The following KIR3DL2 variants were observed in gnomAD, a reference collection of about 807,000 sequenced individuals.
KIR3DL2 encodes the protein killer cell immunoglobulin like receptor, three Ig domains and long cytoplasmic tail 2.
A neutral mutation model predicts 41.6 loss-of-function variants in KIR3DL2; 42 were observed. The ratio of observed to expected loss-of-function variants is 1.01; its 90% CI spans 0.79 to 1.31. The LOEUF (loss-of-function observed/expected upper bound fraction) is 1.31, where lower values mean the gene tolerates loss of function less well. Among genes scored for constraint, KIR3DL2 ranks in the 50% most tolerant of loss-of-function variants. The pLI is 0.00. For synonymous variants in KIR3DL2, 230 were observed against 221.3 expected (o/e 1.04, Z -0.35); for missense variants, 728 against 576.8 (o/e 1.26, Z -2.68).
Position 54,853,727 on chromosome 19 carries a change from C to T in KIR3DL2, c.356-20C>T, listed in dbSNP as rs1379898380. The T allele has an allele frequency of 1.9e-6, 3 of 1,605,960 alleles. No homozygotes were observed. Among genetic ancestry groups the T allele is most frequent in the Non-Finnish European group, 2.6e-6 (3 of 1,175,524 alleles). On this transcript the variant is annotated intron_variant, in intron 3 of 8. Transcript: ENST00000326321. The stretch of plus-strand genomic sequence containing the variant: ...ATGATAAAGAGAGATGCCTTCTAAA[C>T]TCACAACTTCTCTTTCTAGGAAACC...
intron 6 of KIR3DL2, among the ~76,000 whole-genome samples, chr19:54,860,385 TA>T (rs1483585941): frequency 1.3e-5 from 2 of 152,070 alleles, no homozygotes; most frequent in Non-Finnish European, 2.9e-5. Context: ...CCTACTTGTT[TA>T]TTGAGACGGA....
intron 5 of KIR3DL2, among the ~76,000 whole-genome samples, chr19:54,856,155 C>T (rs1209417358): frequency 2.0e-5 from 3 of 151,376 alleles, no homozygotes; most frequent in Non-Finnish European, 4.4e-5. Flanking sequence ...TCAGGACAGA[C>T]CCAGAGAAGG....
At position 54,852,044 on chromosome 19, in the gene KIR3DL2, G is replaced by T; in HGVS notation, c.117G>T (p.Val39=). 2 of 1,612,056 alleles carry T rather than the reference G, an allele frequency of 1.2e-6. No individual in the cohort carries two copies. The highest frequency in any genetic ancestry group is 1.3e-5 in the African/African-American group (1 of 74,524). Reference sequence around the variant, plus strand: ...TGTCTGCCCGGCCCAGCACTGTGGTGCCTCGAGGAGGACACGTGGCTCTTC... The same window carrying T: ...TGTCTGCCCGGCCCAGCACTGTGGTTCCTCGAGGAGGACACGTGGCTCTTC... The part of the protein sequence containing the change: ...PFLSARPSTV[V]PRGGHVALQC... Residue 39 remains valine, a synonymous_variant, in exon 3 of 9, where the codon GTG becomes GTT. Coordinates refer to ENST00000326321, the MANE Select transcript of KIR3DL2 (RefSeq NM_006737.4).
intron 6 of KIR3DL2, among the ~76,000 whole-genome samples, chr19:54,862,852 T>A (rs527541106): frequency 9.9e-5 from 14 of 140,854 alleles, no homozygotes; most frequent in East Asian, 4.1e-4. Context: ...AGCTTTTTTT[T>A]AAAATTTTTA....
intron 6 of KIR3DL2, among the ~76,000 whole-genome samples, chr19:54,860,875 A>C (rs146161035): frequency 0.95 from 118,430 of 125,242 alleles, 55,876 homozygotes; most frequent in East Asian, 0.97. Flanking sequence ...AGAGGCTCTG[A>C]CTCAAATGCT....
intron 5 of KIR3DL2, 76 bp downstream of exon 5, chr19:54,855,988 G>A (rs1601766499): frequency 1.3e-6 from 2 of 1,536,522 alleles, no homozygotes; most frequent in East Asian, 4.5e-5. Flanking sequence ...CGATGATGGG[G>A]AGAAGCATGG....
chr19:54,855,886 G>A lies in KIR3DL2; in HGVS notation c.923G>A (p.Ser308Asn). 2 of 1,613,606 alleles carry A rather than the reference G, an allele frequency of 1.2e-6. No homozygotes were observed. The highest frequency in any genetic ancestry group is 1.7e-6 in the Non-Finnish European group (2 of 1,179,958). ...CTGCCCTGCGTGTGGTCAAACTCAA[G>A]TGACCCACTGCTTGTTTCTGTCACA... ...RALPCVWSNS[S>N]DPLLVSVTGN... Residue 308 changes from serine (S) to asparagine (N), a missense_variant, in exon 5 of 9, where the codon AGT becomes AAT. By Grantham distance (46) the Ser-to-Asn change is conservative. Transcript: ENST00000326321.
At chr19:54,866,195 G>A (rs1251757086) in intron 7 of KIR3DL2, among the ~76,000 whole-genome samples, 175 bp from the exon 8 acceptor site, 2 of 152,064 alleles carry the variant, frequency 1.3e-5, no homozygotes, top group Non-Finnish European at 2.9e-5. Context: ...TGCCAATTGA[G>A]AGCACTTCAT....
At chr19:54,857,086 CTT>C (rs201001116) in intron 5 of KIR3DL2, among the ~76,000 whole-genome samples, 57 of 143,938 alleles carry the variant, frequency 4.0e-4, no homozygotes, top group African/African-American at 8.4e-4. Flanking sequence ...TGAAAGTTCT[CTT>C]TTTTTTTTTT....
Position 54,866,428 on chromosome 19 carries a change from T to A in KIR3DL2, c.1158+6T>A. On this transcript the variant is annotated splice_donor_region_variant and intron_variant, in intron 8 of 8. Transcript: ENST00000326321. Reference sequence around the variant, plus strand: ...ACAGAACAGTGAATAGGCAGGTAGGTCCTCCTCGGCCCAGCCTCACGGATA... The same window carrying A: ...ACAGAACAGTGAATAGGCAGGTAGGACCTCCTCGGCCCAGCCTCACGGATA... 1 of 1,613,914 alleles carries A rather than the reference T, an allele frequency of 6.2e-7. No homozygotes were observed. The highest frequency in any genetic ancestry group is 8.5e-7 in the Non-Finnish European group (1 of 1,179,954).
Position 54,855,986 on chromosome 19 carries a change from G to A in KIR3DL2, c.949+74G>A, listed in dbSNP as rs542951743. 5.1e-6 allele frequency: 8 copies of A among 1,553,786 alleles called. No homozygotes were observed. The South Asian group carries it at 8.0e-5, about 16-fold the overall frequency. ...GCTGAGGAGCTTCCTGCCGATGATG[G>A]GGAGAAGCATGGACAGATGCAGAGA... is the stretch of plus-strand genomic sequence containing the variant. On this transcript the variant is annotated intron_variant, in intron 5 of 8. Transcript: ENST00000326321.
rs1313723676 is a variant in KIR3DL2 at position 54,855,724 on chromosome 19, A to G, written c.761A>G (p.His254Arg). Reference sequence around the variant, plus strand: ...TCCTGGAGCTCCTATGACATCTACCATCTGTCCAGGGAAGGGGAGGCCCAT... The same window carrying G: ...TCCTGGAGCTCCTATGACATCTACCGTCTGTCCAGGGAAGGGGAGGCCCAT... The part of the protein sequence containing the change: ...CSSWSSYDIY[H>R]LSREGEAHER... The change falls in exon 5 of 9, where the codon CAT becomes CGT. Residue 254 changes from histidine to arginine, a missense_variant. Transcript: ENST00000326321. The G allele has an allele frequency of 2.3e-5, 37 of 1,613,420 alleles. No individual in the cohort carries two copies. The East Asian group carries it at 5.3e-4, about 23-fold the overall frequency.
At chr19:54,864,618 A>C (rs1444367352) in intron 6 of KIR3DL2, among the ~76,000 whole-genome samples, 1 of 151,976 alleles carries the variant, frequency 6.6e-6, no homozygotes, top group Admixed American at 6.6e-5. Context: ...TCTTTGAAGC[A>C]ATTGTGAATG....
chr19:54,856,041 T>A, intron 5 of KIR3DL2, 129 bp downstream of exon 5: 2 of 1,184,414 alleles, frequency 1.7e-6, no homozygotes, highest in South Asian at 1.4e-5. Context: ...GAGGGGGGGG[T>A]CAGGGTGCAG....
rs1442037999 is a variant in KIR3DL2 at position 54,856,810 on chromosome 19, G to T, written c.949+898G>T. Among the ~76,000 whole-genome samples, 6 of 152,148 alleles carry T rather than the reference G, an allele frequency of 3.9e-5. No homozygotes were observed. The East Asian group carries it at 9.6e-4, about 24-fold the overall frequency. The stretch of plus-strand genomic sequence containing the variant: ...ACCTTTTATCTCCTGCATGTGGTGA[G>T]AAATGGGAATCTTTGTAATGACCTC... On this transcript the variant is annotated intron_variant, in intron 5 of 8. Coordinates refer to ENST00000326321, the MANE Select transcript of KIR3DL2 (RefSeq NM_006737.4).
At chr19:54,855,589 C>T (rs2064681230) in intron 4 of KIR3DL2, 30 bp from the exon 5 acceptor site, 1 of 1,607,390 alleles carries the variant, frequency 6.2e-7, no homozygotes, top group Non-Finnish European at 8.5e-7. Flanking sequence ...GGAAGAACCT[C>T]CCTGAGGAAA....
Position 54,851,249 on chromosome 19 carries a change from C to A in KIR3DL2, c.64C>A (p.Leu22Ile). Reference sequence around the variant, plus strand: ...CTTCTTGCTGCAGGGGGCCTGGCCACTCATGGGTGAGTCCGTCCCCAAACC... The same window carrying A: ...CTTCTTGCTGCAGGGGGCCTGGCCAATCATGGGTGAGTCCGTCCCCAAACC... ...GFFLLQGAWP[L>I]MGGQDKPFLS... is the part of the protein sequence containing the mutation. The change falls in exon 2 of 9, where the codon CTC (leucine) becomes ATC (isoleucine). Residue 22 changes from leucine (L) to isoleucine (I), a missense_variant. Transcript: ENST00000326321. The A allele has an allele frequency of 6.2e-7, 1 of 1,609,426 alleles. No homozygotes were observed. Among genetic ancestry groups the A allele is most frequent in the Non-Finnish European group, 8.5e-7 (1 of 1,178,066 alleles).
chr19:54,854,403 T>C (rs2064564034), intron 4 of KIR3DL2, among the ~76,000 whole-genome samples: 1 of 151,942 alleles, frequency 6.6e-6, no homozygotes, highest in South Asian at 2.1e-4. Flanking sequence ...CACAAAGTGC[T>C]TCTACGAGGA....
At chr19:54,858,987 A>C in intron 5 of KIR3DL2, 92 bp from the exon 6 acceptor site, 1 of 1,139,838 alleles carries the variant, frequency 8.8e-7, no homozygotes. Context: ...ATTAGATAAC[A>C]GAGTGTTGGC....
Sources: allele counts gnomAD v4.1 joint callset (sites outside exome capture counted in the v4.1 genomes callset), GRCh38; gene constraint gnomAD v4.1.1; transcripts MANE v1.5; gene names NCBI Gene and HGNC (gene_info 2026-07-23, HGNC 2026-07-21).